The following SLC20A2 variants were observed in gnomAD, a reference collection of about 807,000 sequenced individuals.
SLC20A2 encodes sodium-dependent phosphate transporter 2.
In SLC20A2, 30 loss-of-function variants were observed where a neutral mutation model predicts 61.0. That is an observed-to-expected ratio of 0.49 (90% CI 0.37 to 0.67). The LOEUF (loss-of-function observed/expected upper bound fraction) is 0.67. Among genes scored for constraint, SLC20A2 ranks in the 30% least tolerant of loss-of-function variants. The pLI is 0.00. For missense variants in SLC20A2, 626 were observed against 866.4 expected, an observed-to-expected ratio of 0.72 and a Z score of 3.48; for synonymous variants, 351 against 353.3, an observed-to-expected ratio of 0.99 and a Z score of 0.07.
At chr8:42,514,404 A>G (rs2131381466) in intron 1 of SLC20A2, among the ~76,000 whole-genome samples, 1 of 151,410 alleles carries the variant, frequency 6.6e-6, no homozygotes, top group African/African-American at 2.4e-5. Flanking sequence ...AAGAGATAAG[A>G]GTAATTATTA....
At chr8:42,510,916 A>G (rs1293322033) in intron 1 of SLC20A2, among the ~76,000 whole-genome samples, 1 of 151,874 alleles carries the variant, frequency 6.6e-6, no homozygotes, top group Admixed American at 6.6e-5. Flanking sequence ...TATAATATAT[A>G]TATTTTATAT....
chr8:42,538,960 T>C (rs1240418681), intron 1 of SLC20A2, among the ~76,000 whole-genome samples: 1 of 152,110 alleles, frequency 6.6e-6, no homozygotes, highest in Non-Finnish European at 1.5e-5. Flanking sequence ...GGAGGGCAGA[T>C]AACGAGGTCA....
At chr8:42,428,586 G>A (rs1422023769) in intron 10 of SLC20A2, among the ~76,000 whole-genome samples, 172 bp downstream of exon 10, 1 of 152,266 alleles carries the variant, frequency 6.6e-6, no homozygotes, top group African/African-American at 2.4e-5. Context: ...GCCGAGAGGA[G>A]GACGGTGGAG....
chr8:42,506,106 G>T (rs1180582995), upstream of SLC20A2, among the ~76,000 whole-genome samples: 1 of 152,012 alleles, frequency 6.6e-6, no homozygotes, highest in Non-Finnish European at 1.5e-5. Flanking sequence ...ACGACCAGCT[G>T]ATTTTTGTAT....
chr8:42,530,833 A>T (rs1481647576), intron 1 of SLC20A2, among the ~76,000 whole-genome samples: 1 of 152,106 alleles, frequency 6.6e-6, no homozygotes, highest in Non-Finnish European at 1.5e-5. Context: ...CTCCTGCTTC[A>T]GCCTCCCCAG....
intron 1 of SLC20A2, among the ~76,000 whole-genome samples, chr8:42,532,405 G>A (rs932780605): frequency 2.0e-5 from 3 of 152,152 alleles, no homozygotes; most frequent in Non-Finnish European, 4.4e-5. Flanking sequence ...TTTCAAGGGA[G>A]TGATAAATGT....
intron 1 of SLC20A2, among the ~76,000 whole-genome samples, chr8:42,514,083 G>A (rs892280297): frequency 3.3e-5 from 5 of 152,136 alleles, no homozygotes; most frequent in African/African-American, 1.2e-4. Context: ...CTGTAGCTCT[G>A]AGGCTCTCAA....
chr8:42,526,090 C>T lies in SLC20A2; in HGVS notation c.-265+15731G>A, dbSNP rs372602648. 7.2e-5 allele frequency among the ~76,000 whole-genome samples: 11 copies of T among 152,298 alleles called. 1 individual carries two copies. The highest frequency in any genetic ancestry group is 2.6e-4 in the African/African-American group (11 of 41,572). ...CCTTCCCAAGAGGGAAGCACAGAAA[C>T]AGGTAAGAAGGAGGAACTCTGCAGT... On this transcript the variant is annotated intron_variant, in intron 1 of 10. Coordinates refer to the SLC20A2 transcript ENST00000342228.
chr8:42,541,471 G>C (rs917942878), intron 1 of SLC20A2: 1 of 147,250 alleles, frequency 6.8e-6, no homozygotes, highest in African/African-American at 2.5e-5. Context: ...GGCGGCACTG[G>C]GGCCGCCGCT....
At chr8:42,449,434 C>A (rs889570200) in intron 5 of SLC20A2, among the ~76,000 whole-genome samples, 1 of 152,194 alleles carries the variant, frequency 6.6e-6, no homozygotes, top group Non-Finnish European at 1.5e-5. Flanking sequence ...AATATTCAAG[C>A]CATTTAGGGA....
chr8:42,492,020 TGAA>T (rs1231388679), intron 1 of SLC20A2, among the ~76,000 whole-genome samples: 4 of 152,058 alleles, frequency 2.6e-5, no homozygotes, highest in Non-Finnish European at 5.9e-5. Flanking sequence ...GACTATTGAG[TGAA>T]GGTGTTTACC....
chr8:42,419,704 G>A (rs1802915483), intron 10 of SLC20A2: 2 of 971,002 alleles, frequency 2.1e-6, no homozygotes. Flanking sequence ...TTTATAAATA[G>A]CTGTTAATGT....
intron 1 of SLC20A2, among the ~76,000 whole-genome samples, chr8:42,533,679 G>A (rs1375176777): frequency 7.8e-5 from 2 of 25,682 alleles, no homozygotes; most frequent in Non-Finnish European, 6.7e-5. Flanking sequence ...TTTTTTTTGA[G>A]ACGGGAGTCT....
chr8:42,430,137 T>C lies in SLC20A2; in HGVS notation c.1636A>G (p.Thr546Ala). The C allele has an allele frequency of 6.2e-7, 1 of 1,614,048 alleles. No individual in the cohort carries two copies. The highest frequency in any genetic ancestry group is 1.1e-5 in the South Asian group (1 of 91,062). ...LLFYGGVGIC[T>A]GLWVWGRRVI... Reference sequence around the variant, plus strand: ...CTTCTCCCCCAGACCCAGAGGCCTGTGCAGATTCCAACTCCTCCATAAAAC... The same window carrying C: ...CTTCTCCCCCAGACCCAGAGGCCTGCGCAGATTCCAACTCCTCCATAAAAC... The change falls in exon 9 of 11, where the codon ACA (threonine) becomes GCA (alanine). Residue 546 changes from threonine (T) to alanine (A), a missense_variant. Physicochemically the swap from Thr to Ala is moderately conservative, Grantham distance 58 (BLOSUM62 0). Coordinates refer to ENST00000520262, the MANE Select transcript of SLC20A2 (RefSeq NM_001257180.2).
chr8:42,487,393 G>A (rs1386340135), intron 1 of SLC20A2, among the ~76,000 whole-genome samples: 2 of 150,254 alleles, frequency 1.3e-5, no homozygotes, highest in Non-Finnish European at 3.0e-5. Context: ...TAGCCAGGAT[G>A]GTCTCGATCT....
intron 1 of SLC20A2, among the ~76,000 whole-genome samples, chr8:42,516,308 T>C (rs1038758876): frequency 2.0e-5 from 3 of 152,196 alleles, no homozygotes; most frequent in African/African-American, 7.2e-5. Flanking sequence ...TCCATAAAAG[T>C]ACTTTTAAAG....
intron 1 of SLC20A2, among the ~76,000 whole-genome samples, chr8:42,484,188 C>T (rs1808766582): frequency 6.6e-6 from 1 of 152,236 alleles, no homozygotes; most frequent in Admixed American, 6.5e-5. Flanking sequence ...CAGCCTCTTC[C>T]TCTTTGCCAT....
chr8:42,449,867 C>A (rs1006454801), intron 5 of SLC20A2, among the ~76,000 whole-genome samples: 1 of 151,988 alleles, frequency 6.6e-6, no homozygotes, highest in Non-Finnish European at 1.5e-5. Flanking sequence ...TTCTTTTTTC[C>A]TTTTATTAAA....
At position 42,528,901 on chromosome 8, in the gene SLC20A2, G is replaced by A. The variant is rs183825680; in HGVS notation, c.-265+12920C>T. On this transcript the variant is annotated intron_variant, in intron 1 of 10. Coordinates refer to the SLC20A2 transcript ENST00000342228. Reference sequence around the variant, plus strand: ...AGGCTGGTCTCGAACTCCTGATCTCGGGTGATCCCCCCGCCTCAGCCTCCC... The same window carrying A: ...AGGCTGGTCTCGAACTCCTGATCTCAGGTGATCCCCCCGCCTCAGCCTCCC... 5.6e-3 allele frequency among the ~76,000 whole-genome samples: 847 copies of A among 151,720 alleles called. 5 individuals carry two copies. The highest frequency in any genetic ancestry group is 7.8e-3 in the Non-Finnish European group (533 of 67,948).
Sources: gnomAD v4.1 joint callset for allele counts (sites outside exome capture counted in the v4.1 genomes callset) on GRCh38, gnomAD v4.1.1 for gene constraint, MANE v1.5 for transcripts, NCBI Gene and HGNC (gene_info 2026-07-23, HGNC 2026-07-21) for gene names.